SASH1: variants seen among roughly 807,000 people sequenced by gnomAD.
SASH1 encodes SAM and SH3 domain-containing protein 1.
Under a neutral mutation model 125.2 loss-of-function variants are expected in SASH1, and 44 were observed. The ratio of observed to expected loss-of-function variants is 0.35; its 90% CI spans 0.28 to 0.45. The LOEUF is 0.45. SASH1 is among the 20% of genes least tolerant of loss of function. The pLI is 1.00. For missense variants in SASH1, 1,426 were observed against 1,614.5 expected, an observed-to-expected ratio of 0.88 and a Z score of 2.00; for synonymous variants, 639 against 649.1, an observed-to-expected ratio of 0.98 and a Z score of 0.24.
intron 7 of SASH1, among the ~76,000 whole-genome samples, chr6:148,482,377 A>C (rs1435400374): frequency 6.6e-6 from 1 of 152,244 alleles, no homozygotes. Flanking sequence ...TCTAATCAAT[A>C]AGTATTACAC....
intron 5 of SASH1, among the ~76,000 whole-genome samples, chr6:148,470,482 G>A (rs74904860): frequency 6.4e-4 from 97 of 152,272 alleles, no homozygotes; most frequent in Middle Eastern, 3.4e-3. Context: ...ACATCAGCAC[G>A]ATGGCAGACA....
intron 1 of SASH1, among the ~76,000 whole-genome samples, chr6:148,286,400 CAA>C (rs542230449): frequency 2.0e-4 from 23 of 115,562 alleles, no homozygotes; most frequent in African/African-American, 9.5e-5. Flanking sequence ...GACTCCATCT[CAA>C]AAAAAAAAAA....
At chr6:148,443,276 G>T (rs776708948) in intron 4 of SASH1, among the ~76,000 whole-genome samples, 12 of 151,008 alleles carry the variant, frequency 7.9e-5, no homozygotes, top group Non-Finnish European at 1.5e-4. Flanking sequence ...TGTTGTTTAG[G>T]GTTTATTTGT....
intron 1 of SASH1, among the ~76,000 whole-genome samples, chr6:148,343,671 T>A (rs973533892): frequency 1.3e-5 from 2 of 152,214 alleles, no homozygotes; most frequent in African/African-American, 4.8e-5. Flanking sequence ...TTTGCCTACT[T>A]TTTTTTGCAG....
intron 7 of SASH1, among the ~76,000 whole-genome samples, chr6:148,485,481 T>G (rs1377749562): frequency 1.3e-5 from 2 of 152,220 alleles, no homozygotes; most frequent in Admixed American, 1.3e-4. Context: ...TTATACTAAC[T>G]CTATTGCTTT....
the SASH1 span, among the ~76,000 whole-genome samples, chr6:148,266,287 T>C: frequency 6.6e-6 from 1 of 152,286 alleles, no homozygotes; most frequent in African/African-American, 2.4e-5. Context: ...CTTTACCTGA[T>C]TCTTTTCCTC....
chr6:148,324,052 G>A (rs9498000), intron 1 of SASH1, among the ~76,000 whole-genome samples: 8,546 of 145,032 alleles, frequency 0.059, 280 homozygotes, highest in South Asian at 0.094. Flanking sequence ...CCCGGGAGGC[G>A]GAGGTTGCAG....
the SASH1 span, among the ~76,000 whole-genome samples, chr6:148,235,708 CA>C: frequency 6.6e-6 from 1 of 152,120 alleles, no homozygotes; most frequent in Non-Finnish European, 1.5e-5. Flanking sequence ...CAATGCTATT[CA>C]GTAAATAATT....
At chr6:148,236,541 A>G in the SASH1 span, among the ~76,000 whole-genome samples, 1 of 152,168 alleles carries the variant, frequency 6.6e-6, no homozygotes, top group Non-Finnish European at 1.5e-5. Context: ...AATTTAAAAC[A>G]CACAGGGAAA....
At chr6:148,362,080 T>A (rs567983055) in intron 1 of SASH1, among the ~76,000 whole-genome samples, 35 of 147,984 alleles carry the variant, frequency 2.4e-4, no homozygotes, top group East Asian at 6.2e-4. Flanking sequence ...CGCCCAGCTA[T>A]TTTTTGTTTG....
chr6:148,497,024 AT>A (rs1456274867), intron 8 of SASH1, among the ~76,000 whole-genome samples: 1 of 151,672 alleles, frequency 6.6e-6, no homozygotes, highest in Non-Finnish European at 1.5e-5. Flanking sequence ...TGGGTAGGAG[AT>A]TATAGGAGGA....
At chr6:148,343,528 T>C (rs1781414533) in intron 1 of SASH1, among the ~76,000 whole-genome samples, 2 of 152,140 alleles carry the variant, frequency 1.3e-5, no homozygotes, top group South Asian at 2.1e-4. Flanking sequence ...CTTCAAAAAG[T>C]AGATGTAAAT....
chr6:148,389,171 A>G (rs534435916), intron 1 of SASH1, among the ~76,000 whole-genome samples: 64 of 152,318 alleles, frequency 4.2e-4, no homozygotes, highest in African/African-American at 1.5e-3. Context: ...AGCATTTACT[A>G]CATGCCGGGT....
At chr6:148,388,318 A>G (rs548762915) in intron 1 of SASH1, among the ~76,000 whole-genome samples, 1 of 152,102 alleles carries the variant, frequency 6.6e-6, no homozygotes, top group Non-Finnish European at 1.5e-5. Context: ...AACAGATTCT[A>G]TCTTGACCTT....
At chr6:148,211,922 A>C in the SASH1 span, among the ~76,000 whole-genome samples, 2 of 152,336 alleles carry the variant, frequency 1.3e-5, no homozygotes, top group Admixed American at 6.5e-5. Context: ...AAGAGAAGCC[A>C]GGAGTGCTGG....
chr6:148,376,017 G>T (rs942523355), intron 1 of SASH1, among the ~76,000 whole-genome samples: 1 of 152,062 alleles, frequency 6.6e-6, no homozygotes, highest in African/African-American at 2.4e-5. Flanking sequence ...AGAGTTTTTT[G>T]GGGATTGCAT....
chr6:148,543,436 T>C (rs1782349196), intron 17 of SASH1, among the ~76,000 whole-genome samples: 1 of 152,210 alleles, frequency 6.6e-6, no homozygotes, highest in African/African-American at 2.4e-5. Context: ...CTTTCCCATG[T>C]AACCCAATTA....
chr6:148,543,630 GATTGATTTGCTTTTAAAA>G (rs771509598), intron 17 of SASH1, 32 bp from the exon 18 acceptor site: 7 of 1,462,900 alleles, frequency 4.8e-6, no homozygotes, highest in Non-Finnish European at 6.4e-6. Context: ...GCATCCGTTT[GATTGATTTGCTTTTAAAA>G]TGTGATTGTA....
intron 15 of SASH1, among the ~76,000 whole-genome samples, 161 bp downstream of exon 15, chr6:148,534,141 G>GAGTT (rs374938709): frequency 3.4e-4 from 52 of 152,328 alleles, no homozygotes; most frequent in Middle Eastern, 3.4e-3. Context: ...TCTACAGAAA[G>GAGTT]AGTTAGTTAG....
Sources: allele counts gnomAD v4.1 joint callset (sites outside exome capture counted in the v4.1 genomes callset), GRCh38; gene constraint gnomAD v4.1.1; transcripts MANE v1.5; gene names NCBI Gene and HGNC (gene_info 2026-07-23, HGNC 2026-07-21).